ESRRG: variants seen among roughly 807,000 people sequenced by gnomAD.
ESRRG encodes estrogen related receptor gamma, also known as estrogen-related receptor gamma.
Under a neutral mutation model 44.0 loss-of-function variants are expected in ESRRG, and 13 were observed. The ratio of observed to expected loss-of-function variants is 0.30; its 90% confidence interval spans 0.19 to 0.47. The LOEUF is 0.47. ESRRG is among the 20% of genes least tolerant of loss of function. ESRRG has a pLI of 1.00. For synonymous variants in ESRRG, 215 were observed against 214.6 expected (o/e 1.00, Z -0.02); for missense variants, 395 against 580.6 (o/e 0.68, Z 3.29).
In ESRRG at chr1:216,516,636, TAC is replaced by T. The variant is rs779496209; in HGVS notation, c.1132+2514_1132+2515del. Among the ~76,000 whole-genome samples the T allele has an allele frequency of 2.5e-3, 331 of 130,362 alleles. 2 individuals are homozygous for T. The highest frequency in any genetic ancestry group is 0.014 in the Middle Eastern group (3 of 216). 85.5% of individuals were successfully genotyped at this position (130,362 alleles called of 152,430 possible). ...TCTGGAATTCCTAAACACACACACA[TAC>T]ACACACACACACACACACACACACA... On this transcript the variant is annotated intron_variant, in intron 6 of 6. Coordinates refer to ENST00000408911, the MANE Select transcript of ESRRG (RefSeq NM_001438.4).
chr1:216,586,976 T>C (rs2063928384), intron 3 of ESRRG, among the ~76,000 whole-genome samples: 1 of 152,182 alleles, frequency 6.6e-6, no homozygotes, highest in Non-Finnish European at 1.5e-5. Flanking sequence ...GTTCAACAAA[T>C]ACCTGTATTA....
chr1:216,673,398 G>T (rs2075560897), intron 2 of ESRRG, among the ~76,000 whole-genome samples: 1 of 152,234 alleles, frequency 6.6e-6, no homozygotes, highest in African/African-American at 2.4e-5. Context: ...GATGTAGCTA[G>T]CAGGGTAGCC....
At chr1:216,765,838 T>TA (rs2093046831) in intron 2 of ESRRG, among the ~76,000 whole-genome samples, 1 of 152,152 alleles carries the variant, frequency 6.6e-6, no homozygotes, top group African/African-American at 2.4e-5. Flanking sequence ...GGTACTGAGC[T>TA]AATCCCCGGA....
chr1:216,973,737 A>G (rs2072236975), intron 1 of ESRRG, among the ~76,000 whole-genome samples: 1 of 151,870 alleles, frequency 6.6e-6, no homozygotes, highest in South Asian at 2.1e-4. Flanking sequence ...GAGGCGCAAG[A>G]ATTGCTTGAA....
intron 1 of ESRRG, among the ~76,000 whole-genome samples, chr1:216,964,872 G>A (rs1166528403): frequency 1.3e-5 from 2 of 152,126 alleles, no homozygotes; most frequent in Non-Finnish European, 1.5e-5. Context: ...AAGAGGCCAT[G>A]AATCTTCATA....
At chr1:216,829,591 G>A (rs772857806) in intron 2 of ESRRG, among the ~76,000 whole-genome samples, 9 of 145,376 alleles carry the variant, frequency 6.2e-5, no homozygotes, top group Non-Finnish European at 1.0e-4. Context: ...GTCTCACTCT[G>A]TTGCCCAGGC....
At chr1:216,780,682 C>A (rs1173613307) in intron 2 of ESRRG, among the ~76,000 whole-genome samples, 7 of 152,064 alleles carry the variant, frequency 4.6e-5, no homozygotes, top group Admixed American at 4.6e-4. Context: ...TATAACAAAT[C>A]ACATAGAGGG....
At chr1:216,922,140 A>G (rs2061927759) in intron 2 of ESRRG, among the ~76,000 whole-genome samples, 2 of 152,204 alleles carry the variant, frequency 1.3e-5, no homozygotes, top group African/African-American at 4.8e-5. Context: ...GCCTCTGTAA[A>G]CAGATACAAT....
At chr1:216,955,603 T>C (rs535955740) in intron 1 of ESRRG, among the ~76,000 whole-genome samples, 1 of 152,292 alleles carries the variant, frequency 6.6e-6, no homozygotes, top group Admixed American at 6.5e-5. Flanking sequence ...TTTTAGGTTT[T>C]TTTAAAAAAC....
chr1:216,999,836 A>C (rs977044646), intron 1 of ESRRG, among the ~76,000 whole-genome samples: 5 of 152,222 alleles, frequency 3.3e-5, no homozygotes, highest in Admixed American at 6.5e-5. Flanking sequence ...TGTTCTGACC[A>C]TGGCAAACCA....
At chr1:216,959,614 GAGTTCAAGGCAGGAGTA>G (rs541053909) in intron 1 of ESRRG, 7 of 152,180 alleles carry the variant, frequency 4.6e-5, no homozygotes, top group African/African-American at 1.4e-4. Flanking sequence ...TGAAGCCCAG[GAGTTCAAGGCAGGAGTA>G]AGCTCTGATT....
intron 1 of ESRRG, among the ~76,000 whole-genome samples, chr1:216,969,056 C>T (rs1285805920): frequency 6.6e-6 from 1 of 152,142 alleles, no homozygotes; most frequent in Non-Finnish European, 1.5e-5. Context: ...AATCTCAGGT[C>T]TGAGTATTCT....
intron 3 of ESRRG, among the ~76,000 whole-genome samples, chr1:216,599,093 G>A (rs1223468312): frequency 6.6e-6 from 1 of 152,120 alleles, no homozygotes; most frequent in African/African-American, 2.4e-5. Context: ...TTGCAAATCA[G>A]ATTGCAAAGT....
At chr1:216,851,616 A>G (rs867005824) in intron 2 of ESRRG, among the ~76,000 whole-genome samples, 11 of 152,302 alleles carry the variant, frequency 7.2e-5, no homozygotes, top group African/African-American at 2.4e-4. Flanking sequence ...GAACCTGATC[A>G]TGCTGACACC....
intron 2 of ESRRG, among the ~76,000 whole-genome samples, chr1:216,752,152 A>G (rs1327305917): frequency 6.6e-6 from 1 of 152,116 alleles, no homozygotes; most frequent in Non-Finnish European, 1.5e-5. Context: ...CATTTAACAG[A>G]TTGGGAAACT....
intron 1 of ESRRG, among the ~76,000 whole-genome samples, chr1:217,031,425 A>G (rs2082044809): frequency 6.6e-6 from 1 of 152,378 alleles, no homozygotes; most frequent in South Asian, 2.1e-4. Context: ...TCCACACTCA[A>G]TGCTTACTTT....
intron 1 of ESRRG, among the ~76,000 whole-genome samples, chr1:216,969,260 A>T (rs1238249540): frequency 6.6e-6 from 1 of 152,214 alleles, no homozygotes; most frequent in East Asian, 1.9e-4. Flanking sequence ...TAAACATAGA[A>T]AATCTGATAT....
intron 2 of ESRRG, among the ~76,000 whole-genome samples, chr1:216,896,956 A>G (rs568550336): frequency 1.3e-5 from 2 of 152,310 alleles, no homozygotes; most frequent in Admixed American, 1.3e-4. Flanking sequence ...TGTTACCTAG[A>G]GACCTAGAAA....
chr1:216,559,549 T>C (rs1001470886), intron 5 of ESRRG, among the ~76,000 whole-genome samples: 2 of 152,214 alleles, frequency 1.3e-5, no homozygotes, highest in Admixed American at 1.3e-4. Context: ...AACTCACCCT[T>C]AGTCAACCAT....
Sources: allele counts gnomAD v4.1 joint callset (sites outside exome capture counted in the v4.1 genomes callset), GRCh38; gene constraint gnomAD v4.1.1; transcripts MANE v1.5; gene names NCBI Gene and HGNC (gene_info 2026-07-23, HGNC 2026-07-21).